The following PNLIP variants were observed in gnomAD, a reference collection of about 807,000 sequenced individuals.
The protein encoded by PNLIP is pancreatic triacylglycerol lipase.
PNLIP carries 49 observed loss-of-function variants against 57.1 expected under a neutral mutation model. The observed-to-expected ratio is 0.86, with a 90% confidence interval of 0.68 to 1.09. PNLIP has a LOEUF of 1.09. Ranked by LOEUF, PNLIP falls within the 50% of genes least tolerant of loss-of-function variation. PNLIP has a pLI of 0.00. For missense variants in PNLIP, 503 were observed against 570.2 expected, an observed-to-expected ratio of 0.88 and a Z score of 1.20; for synonymous variants, 209 against 200.4, an observed-to-expected ratio of 1.04 and a Z score of -0.36.
intron 11 of PNLIP, among the ~76,000 whole-genome samples, chr10:116,561,010 C>T (rs538335568): frequency 5.3e-5 from 8 of 152,284 alleles, no homozygotes; most frequent in African/African-American, 7.2e-5. Flanking sequence ...GTCATCCTTA[C>T]GCCTTAGTAC....
intron 2 of PNLIP, 64 bp downstream of exon 2, chr10:116,546,202 G>C: frequency 7.1e-7 from 1 of 1,414,794 alleles, no homozygotes; most frequent in Non-Finnish European, 1.0e-6. Flanking sequence ...AGGAGGGCTA[G>C]GGCAGCTGAA....
Position 116,561,520 on chromosome 10 carries a change from T to C in PNLIP, c.1218T>C (p.Asp406=), listed in dbSNP as rs747120281. The change falls in exon 12 of 13, where the codon GAT becomes GAC. Residue 406 remains aspartate, a synonymous_variant. Transcript: ENST00000369221. ...CTCATTCCAATGAATTTGACTCAGA[T>C]GTGGATGTTGGGGACTTGCAGATGG... The part of the protein sequence containing the change: ...DSTHSNEFDS[D]VDVGDLQMVK... 6.2e-7 allele frequency: 1 copy of C among 1,613,984 alleles called. No individual in the cohort carries two copies. The highest frequency in any genetic ancestry group is 8.5e-7 in the Non-Finnish European group (1 of 1,179,876).
chr10:116,560,606 C>T, intron 11 of PNLIP, 82 bp downstream of exon 11: 1 of 615,302 alleles, frequency 1.6e-6, no homozygotes, highest in Non-Finnish European at 2.7e-6. Context: ...GGGCTGGAGT[C>T]TTGCTCTGTC....
At chr10:116,564,810 T>A (rs1847347500) in intron 12 of PNLIP, among the ~76,000 whole-genome samples, 1 of 152,126 alleles carries the variant, frequency 6.6e-6, no homozygotes, top group South Asian at 2.1e-4. Flanking sequence ...ATACTTTCCC[T>A]TGAAGGTGTG....
chr10:116,563,941 T>C (rs1442897470), intron 12 of PNLIP, among the ~76,000 whole-genome samples: 1 of 152,166 alleles, frequency 6.6e-6, no homozygotes, highest in Non-Finnish European at 1.5e-5. Context: ...ATAAGGCTTA[T>C]TTATTTGAAA....
At chr10:116,563,930 A>G (rs1847339294) in intron 12 of PNLIP, among the ~76,000 whole-genome samples, 1 of 152,186 alleles carries the variant, frequency 6.6e-6, no homozygotes, top group Non-Finnish European at 1.5e-5. Context: ...GGACAATAAT[A>G]ATAAGGCTTA....
At chr10:116,562,134 C>A (rs1847321786) in intron 12 of PNLIP, among the ~76,000 whole-genome samples, 1 of 152,154 alleles carries the variant, frequency 6.6e-6, no homozygotes, top group African/African-American at 2.4e-5. Flanking sequence ...GGATGGTGAA[C>A]TACCAGGAAA....
Position 116,567,144 on chromosome 10 carries a change from C to A in PNLIP, c.1335-591C>A, listed in dbSNP as rs200445743. Among the ~76,000 whole-genome samples the A allele has an allele frequency of 3.9e-5, 5 of 128,882 alleles. 1 individual carries two copies. In the East Asian group the frequency reaches 1.1e-3, roughly 29 times the overall value. The allele number at this position is 128,882 out of a possible 152,430, so 84.6% of individuals were successfully genotyped here. On this transcript the variant is annotated intron_variant, in intron 12 of 12. Coordinates refer to ENST00000369221, the MANE Select transcript of PNLIP (RefSeq NM_000936.4). The stretch of plus-strand genomic sequence containing the variant: ...TTCTCTTTCTTTCTTTCTTTCTTTT[C>A]TTCTCTTTCTTTCTTTTCTTTCTTT...
chr10:116,560,319 A>C (rs1184895072), intron 10 of PNLIP, 97 bp from the exon 11 acceptor site: 3 of 640,110 alleles, frequency 4.7e-6, no homozygotes, highest in African/African-American at 3.7e-5. Context: ...AATTATAAAT[A>C]AATTATTCAA....
chr10:116,565,146 A>C (rs1287749441), intron 12 of PNLIP, among the ~76,000 whole-genome samples: 1 of 145,696 alleles, frequency 6.9e-6, no homozygotes, highest in Non-Finnish European at 1.5e-5. Context: ...GCTACTCAGG[A>C]GGCTGAGGCA....
In PNLIP at chr10:116,567,843, T is replaced by G. The variant is rs1468610987; in HGVS notation, c.*45T>G. On this transcript the variant is annotated 3_prime_UTR_variant, in exon 13 of 13. Transcript: ENST00000369221. ...CAATGAATTGACTTCTAATAAAATC[T>G]AGTGGTGATGCATTACATGCCTGTT... 3 of 1,379,620 alleles carry G rather than the reference T, an allele frequency of 2.2e-6. No individual in the cohort carries two copies. In the Admixed American group the frequency reaches 5.0e-5, roughly 23 times the overall value. 85.5% of individuals were successfully genotyped at this position (1,379,620 alleles called of 1,614,324 possible). A position where few individuals can be genotyped will look rare whatever the true frequency, so the allele number is the denominator to read the frequency against.
intron 6 of PNLIP, 32 bp from the exon 7 acceptor site, chr10:116,555,146 T>C (rs1214321792): frequency 1.2e-6 from 2 of 1,613,346 alleles, no homozygotes; most frequent in Admixed American, 3.3e-5. Flanking sequence ...TCAGGACTTG[T>C]CATAATTCAT....
intron 5 of PNLIP, among the ~76,000 whole-genome samples, chr10:116,552,486 A>T (rs1042620369): frequency 6.6e-6 from 1 of 152,228 alleles, no homozygotes; most frequent in Non-Finnish European, 1.5e-5. Flanking sequence ...AAAAATTATC[A>T]TAAAAATGGT....
chr10:116,566,200 T>C (rs1847365842), intron 12 of PNLIP, among the ~76,000 whole-genome samples: 1 of 152,218 alleles, frequency 6.6e-6, no homozygotes, highest in African/African-American at 2.4e-5. Context: ...GTCTATGGTC[T>C]GTCCATACAA....
At chr10:116,565,297 G>T (rs1001018758) in intron 12 of PNLIP, among the ~76,000 whole-genome samples, 2 of 140,720 alleles carry the variant, frequency 1.4e-5, no homozygotes, top group Non-Finnish European at 3.1e-5. Context: ...AAAGAATATA[G>T]GAGACAAATG....
At chr10:116,567,228 T>G (rs1298050799) in intron 12 of PNLIP, among the ~76,000 whole-genome samples, 1 of 152,010 alleles carries the variant, frequency 6.6e-6, no homozygotes. Context: ...TCTTTCTTTC[T>G]TCTTTCTTTA....
intron 4 of PNLIP, among the ~76,000 whole-genome samples, chr10:116,548,692 C>G (rs1215511283): frequency 2.0e-5 from 3 of 152,152 alleles, no homozygotes; most frequent in African/African-American, 7.2e-5. Flanking sequence ...CTGGCAAGCA[C>G]TTGGTGGATC....
Position 116,546,106 on chromosome 10 carries a change from G to A in PNLIP, c.14G>A (p.Trp5Ter). 1.2e-6 allele frequency: 2 copies of A among 1,613,572 alleles called. No individual in the cohort carries two copies. Among genetic ancestry groups the A allele is most frequent in the Non-Finnish European group, 1.7e-6 (2 of 1,179,748 alleles). ...AATTTCGTGTAGATGCTGCCACTTT[G>A]GACTCTTTCACTGCTGCTGGGAGCA... MLPL[W>*]TLSLLLGAVA... The change falls in exon 2 of 13, where the codon TGG (tryptophan) becomes TAG (stop). Residue 5 changes from tryptophan to a stop codon, truncating the protein, a stop_gained. Coordinates refer to ENST00000369221, the MANE Select transcript of PNLIP (RefSeq NM_000936.4). LOFTEE classifies it high-confidence loss of function.
At chr10:116,552,964 A>G (rs1656395246) in intron 5 of PNLIP, among the ~76,000 whole-genome samples, 1 of 152,196 alleles carries the variant, frequency 6.6e-6, no homozygotes, top group Non-Finnish European at 1.5e-5. Context: ...AGTAATGTAC[A>G]GTATATAAAG....
Sources: allele counts gnomAD v4.1 joint callset (sites outside exome capture counted in the v4.1 genomes callset), GRCh38; gene constraint gnomAD v4.1.1; transcripts MANE v1.5; gene names NCBI Gene and HGNC (gene_info 2026-07-23, HGNC 2026-07-21).